NPAS3: variants seen among roughly 807,000 people sequenced by gnomAD.
NPAS3 encodes neuronal PAS domain-containing protein 3.
In NPAS3, 14 loss-of-function variants were observed where a neutral mutation model predicts 73.1. The ratio of observed to expected loss-of-function variants is 0.19; its 90% CI spans 0.13 to 0.30. The LOEUF is 0.30. Among genes scored for constraint, NPAS3 ranks in the 10% least tolerant of loss-of-function variants. The pLI, the probability that NPAS3 is intolerant of heterozygous loss-of-function variation, is 1.00. For synonymous variants in NPAS3, 620 were observed against 541.5 expected, an observed-to-expected ratio of 1.14 and a Z score of -2.01; for missense variants, 1,096 against 1,250.0, an observed-to-expected ratio of 0.88 and a Z score of 1.86.
chr14:33,154,761 A>C (rs1370407956), intron 2 of NPAS3, among the ~76,000 whole-genome samples: 1 of 152,218 alleles, frequency 6.6e-6, no homozygotes, highest in African/African-American at 2.4e-5. Context: ...ACAATTAGTT[A>C]CATGAAAGAT....
intron 4 of NPAS3, among the ~76,000 whole-genome samples, chr14:33,419,207 T>G (rs1467394561): frequency 6.6e-6 from 1 of 151,844 alleles, no homozygotes; most frequent in African/African-American, 2.4e-5. Context: ...GAAGGTAGAC[T>G]AAGGATAATA....
At position 33,687,045 on chromosome 14, in the gene NPAS3, A is replaced by C. The variant is rs74243533; in HGVS notation, c.733+10660A>C. On this transcript the variant is annotated intron_variant, in intron 6 of 11. Transcript: ENST00000356141. The stretch of plus-strand genomic sequence containing the variant: ...GACCTTGAGAAGAAACATTTTTGGG[A>C]GGCCTTGCAAAGGAAGAAACGATGA... Among the ~76,000 whole-genome samples, 8 of 152,328 alleles carry C rather than the reference A, an allele frequency of 5.3e-5. No individual in the cohort carries two copies. In the East Asian group the frequency reaches 1.3e-3, roughly 26 times the overall value.
At chr14:33,395,677 T>A (rs2047191227) in intron 4 of NPAS3, among the ~76,000 whole-genome samples, 1 of 152,162 alleles carries the variant, frequency 6.6e-6, no homozygotes, top group African/African-American at 2.4e-5. Flanking sequence ...TTAACCCAGT[T>A]CCACTATTTC....
chr14:33,442,338 G>A lies in NPAS3; in HGVS notation c.468+75070G>A, dbSNP rs140750256. ...TGCAGCCTCACCTACTCAGGAGACTGAGGTGGGAGGAGGGAGGATTGCGTG... is the reference window on the plus strand; with the variant it reads ...TGCAGCCTCACCTACTCAGGAGACTAAGGTGGGAGGAGGGAGGATTGCGTG... On this transcript the variant is annotated intron_variant, in intron 4 of 11. Coordinates refer to ENST00000356141, the Ensembl canonical transcript of NPAS3. Among the ~76,000 whole-genome samples, 882 of 152,114 alleles carry A rather than the reference G, an allele frequency of 5.8e-3. 16 individuals carry two copies. Among genetic ancestry groups the A allele is most frequent in the African/African-American group, 0.02 (836 of 41,510 alleles).
intron 6 of NPAS3, among the ~76,000 whole-genome samples, chr14:33,732,565 C>T (rs910393555): frequency 6.6e-6 from 1 of 152,178 alleles, no homozygotes; most frequent in Non-Finnish European, 1.5e-5. Flanking sequence ...AGTAGGAAGT[C>T]ATATGGAATT....
At chr14:33,739,451 A>G (rs1344610946) in intron 7 of NPAS3, among the ~76,000 whole-genome samples, 3 of 152,202 alleles carry the variant, frequency 2.0e-5, no homozygotes, top group African/African-American at 4.8e-5. Context: ...GAATATCTGC[A>G]TCTAAACATG....
intron 7 of NPAS3, among the ~76,000 whole-genome samples, chr14:33,742,642 G>A (rs2140699258): frequency 6.6e-6 from 1 of 152,282 alleles, no homozygotes; most frequent in South Asian, 2.1e-4. Flanking sequence ...GGTGGCTGTG[G>A]CAGGTTTTAT....
At chr14:33,434,386 G>T (rs889312293) in intron 4 of NPAS3, among the ~76,000 whole-genome samples, 2 of 151,856 alleles carry the variant, frequency 1.3e-5, no homozygotes, top group Non-Finnish European at 2.9e-5. Flanking sequence ...CATTAGTCAG[G>T]CATGGTGGTG....
chr14:33,206,750 C>A (rs2046835973), intron 2 of NPAS3, among the ~76,000 whole-genome samples: 1 of 152,144 alleles, frequency 6.6e-6, no homozygotes, highest in Non-Finnish European at 1.5e-5. Flanking sequence ...GCAGAAATAA[C>A]ATGTATCCTT....
intron 3 of NPAS3, among the ~76,000 whole-genome samples, chr14:33,273,482 G>A (rs974630778): frequency 3.9e-5 from 6 of 152,118 alleles, no homozygotes; most frequent in Non-Finnish European, 8.8e-5. Flanking sequence ...TAAATTGGAA[G>A]CTATAATATT....
chr14:33,024,168 G>GTA (rs1299116118), intron 1 of NPAS3, among the ~76,000 whole-genome samples: 1 of 144,744 alleles, frequency 6.9e-6, no homozygotes, highest in African/African-American at 2.7e-5. Context: ...GTGTGTGTGT[G>GTA]TGTATGTATA....
At chr14:33,160,957 T>C (rs542918221) in intron 2 of NPAS3, among the ~76,000 whole-genome samples, 1 of 152,210 alleles carries the variant, frequency 6.6e-6, no homozygotes, top group Non-Finnish European at 1.5e-5. Context: ...TGGAGAAATA[T>C]GGTACTGAGC....
intron 4 of NPAS3, among the ~76,000 whole-genome samples, chr14:33,443,603 G>C (rs2049349208): frequency 6.6e-6 from 1 of 152,164 alleles, no homozygotes; most frequent in Non-Finnish European, 1.5e-5. Context: ...TGGGCCAAAG[G>C]CTTTATTGAC....
intron 2 of NPAS3, among the ~76,000 whole-genome samples, chr14:33,112,153 A>G (rs1357342035): frequency 6.6e-6 from 1 of 152,198 alleles, no homozygotes; most frequent in East Asian, 1.9e-4. Context: ...TCTTTATAGC[A>G]GCATGATTTA....
chr14:33,093,253 G>A (rs2042289864), intron 2 of NPAS3, among the ~76,000 whole-genome samples: 1 of 152,010 alleles, frequency 6.6e-6, no homozygotes. Context: ...AATCTACAAA[G>A]AACTCAAACA....
chr14:33,599,788 T>C lies in NPAS3; in HGVS notation c.558+39578T>C, dbSNP rs562686278. Among the ~76,000 whole-genome samples, 8 of 152,298 alleles carry C rather than the reference T, an allele frequency of 5.3e-5. No individual in the cohort carries two copies. In the South Asian group the frequency reaches 1.7e-3, roughly 32 times the overall value. ...TCGTTCAGGAGGGCTTACTTCTGTT[T>C]TCATGCTGACTCTTGTAGGGGAGGT... On this transcript the variant is annotated intron_variant, in intron 5 of 11. Transcript: ENST00000356141.
intron 6 of NPAS3, among the ~76,000 whole-genome samples, chr14:33,714,006 C>T (rs2060891907): frequency 6.6e-6 from 1 of 152,154 alleles, no homozygotes; most frequent in South Asian, 2.1e-4. Context: ...CCAAAAGGGT[C>T]ACGACATTCC....
chr14:33,498,879 T>C (rs1472366004), intron 4 of NPAS3, among the ~76,000 whole-genome samples: 1 of 151,460 alleles, frequency 6.6e-6, no homozygotes. Context: ...GAAGGTTTAT[T>C]TTTAAAATCT....
At chr14:33,223,279 C>G (rs769542071) in intron 3 of NPAS3, among the ~76,000 whole-genome samples, 1 of 152,134 alleles carries the variant, frequency 6.6e-6, no homozygotes, top group Non-Finnish European at 1.5e-5. Flanking sequence ...CCTCTTCATT[C>G]CAGCCTGGAC....
Sources: gnomAD v4.1 joint callset for allele counts (sites outside exome capture counted in the v4.1 genomes callset) on GRCh38, gnomAD v4.1.1 for gene constraint, MANE v1.5 for transcripts, NCBI Gene and HGNC (gene_info 2026-07-23, HGNC 2026-07-21) for gene names.